The following TEX15 variants were observed in gnomAD, a reference collection of about 807,000 sequenced individuals.
TEX15 encodes the protein testis expressed 15, meiosis and synapsis associated.
Under a neutral mutation model 237.3 loss-of-function variants are expected in TEX15, and 171 were observed. The observed-to-expected ratio is 0.72, with a 90% CI of 0.64 to 0.82. The LOEUF (loss-of-function observed/expected upper bound fraction) is 0.82. TEX15 is among the 40% of genes least tolerant of loss of function. The pLI is 0.00. For missense variants in TEX15, 3,750 were observed against 3,646.5 expected (o/e 1.03, Z -0.73); for synonymous variants, 1,338 against 1,269.8 (o/e 1.05, Z -1.14).
At chr8:30,858,550 C>T (rs896793946) in intron 7 of TEX15, 118 bp downstream of exon 7, 15 of 858,082 alleles carry the variant, frequency 1.7e-5, no homozygotes, top group African/African-American at 7.1e-5. Context: ...CGCCCACTTC[C>T]GCCTCCCAAA....
chr8:30,890,916 A>T (rs1005049619), intron 2 of TEX15, among the ~76,000 whole-genome samples: 4 of 152,116 alleles, frequency 2.6e-5, no homozygotes, highest in African/African-American at 7.2e-5. Flanking sequence ...TTTTCCCACA[A>T]AGATAGTATT....
At chr8:30,893,520 G>A (rs1014181717) in intron 2 of TEX15, among the ~76,000 whole-genome samples, 4 of 152,074 alleles carry the variant, frequency 2.6e-5, no homozygotes, top group African/African-American at 4.8e-5. Context: ...GATAATGACA[G>A]GTATCTTGAT....
At chr8:30,840,780 A>G (rs956404900) in intron 8 of TEX15, among the ~76,000 whole-genome samples, 4 of 152,218 alleles carry the variant, frequency 2.6e-5, no homozygotes, top group Admixed American at 6.5e-5. Flanking sequence ...ATATGACAGT[A>G]CACTTCAATG....
rs1005446236 is a variant in TEX15, at chr8:30,831,594, T to A, written c.*1692A>T. On this transcript the variant is annotated 3_prime_UTR_variant, in exon 11 of 11. Coordinates refer to ENST00000643185, the MANE Select transcript of TEX15 (RefSeq NM_001350162.2). ...AATATTCTGTCACGTACAGATTTTTTAAAAATGTAACTGAATATTTAGGTA... is the reference window on the plus strand; with the variant it reads ...AATATTCTGTCACGTACAGATTTTTAAAAAATGTAACTGAATATTTAGGTA... 2.0e-5 allele frequency: 3 copies of A among 152,208 alleles called. No homozygotes were observed. The highest frequency in any genetic ancestry group is 7.2e-5 in the African/African-American group (3 of 41,460). 9.4% of individuals were successfully genotyped at this position (152,208 alleles called of 1,614,324 possible). A position where few individuals can be genotyped will look rare whatever the true frequency, so the allele number is the denominator to read the frequency against.
chr8:30,891,800 A>T (rs192158245), intron 2 of TEX15, among the ~76,000 whole-genome samples: 1 of 152,122 alleles, frequency 6.6e-6, no homozygotes, highest in East Asian at 1.9e-4. Context: ...TGTACTAAGT[A>T]TATTTATTGG....
intron 3 of TEX15, among the ~76,000 whole-genome samples, chr8:30,878,307 T>C (rs1808443261): frequency 6.6e-6 from 1 of 152,134 alleles, no homozygotes; most frequent in African/African-American, 2.4e-5. Context: ...GGTTTTTGTG[T>C]GAACATCATT....
Position 30,842,844 on chromosome 8 carries a change from A to G in TEX15, c.7323T>C (p.Ala2441=). The part of the protein sequence containing the change: ...SHEAIILKPE[A]IEMYIEIVMV... The stretch of plus-strand genomic sequence containing the variant: ...TGACGATTTCAATATACATTTCAAT[A>G]GCTTCAGGCTTTAAAATGATAGCCT... Residue 2441 remains alanine, a synonymous_variant, in exon 8 of 11, where the codon GCT becomes GCC. Coordinates refer to ENST00000643185, the MANE Select transcript of TEX15 (RefSeq NM_001350162.2). 1 of 1,612,658 alleles carries G rather than the reference A, an allele frequency of 6.2e-7. No individual in the cohort carries two copies. Among genetic ancestry groups the G allele is most frequent in the East Asian group, 2.2e-5 (1 of 44,812 alleles).
intron 7 of TEX15, among the ~76,000 whole-genome samples, chr8:30,850,851 TAAAC>T (rs1196624793): frequency 6.6e-6 from 1 of 152,086 alleles, no homozygotes; most frequent in East Asian, 1.9e-4. Flanking sequence ...AAATGCATGA[TAAAC>T]AATACTCAAA....
chr8:30,890,089 C>T (rs76509705), intron 2 of TEX15, among the ~76,000 whole-genome samples: 10 of 150,666 alleles, frequency 6.6e-5, no homozygotes, highest in East Asian at 1.9e-4. Flanking sequence ...ATAATGTACA[C>T]GGCAATACAT....
chr8:30,891,952 CCACT>C (rs1162475867), intron 2 of TEX15, among the ~76,000 whole-genome samples: 1 of 152,088 alleles, frequency 6.6e-6, no homozygotes, highest in African/African-American at 2.4e-5. Context: ...GTAATTCCCC[CCACT>C]TTTAAAAATT....
At chr8:30,873,335 C>T (rs1052695927) in intron 4 of TEX15, among the ~76,000 whole-genome samples, 1 of 152,150 alleles carries the variant, frequency 6.6e-6, no homozygotes, top group African/African-American at 2.4e-5. Context: ...AACTGTGAAA[C>T]TAGGCCACAA....
At chr8:30,859,837 T>A in intron 6 of TEX15, 74 bp downstream of exon 6, 1 of 1,115,526 alleles carries the variant, frequency 9.0e-7, no homozygotes, top group Non-Finnish European at 1.2e-6. Flanking sequence ...ATTTAACATT[T>A]TGGGAATTTA....
intron 7 of TEX15, 65 bp from the exon 8 acceptor site, chr8:30,849,381 G>A (rs1191845595): frequency 2.4e-6 from 2 of 848,508 alleles, no homozygotes; most frequent in Non-Finnish European, 3.5e-6. Flanking sequence ...ATTAATACAG[G>A]TACATTGTGT....
chr8:30,837,250 C>T lies in TEX15; in HGVS notation c.9034G>A (p.Ala3012Thr), dbSNP rs1384162738. Residue 3012 changes from alanine (A) to threonine (T), a missense_variant, in exon 10 of 11, where the codon GCT becomes ACT. Ala to Thr is a moderately conservative substitution (Grantham distance 58). Coordinates refer to ENST00000643185, the MANE Select transcript of TEX15 (RefSeq NM_001350162.2). ...GGAAGTTCATTCCAATATGTGGCAG[C>T]ATTCTGCATTAGGACTTTTGAATTT... ...DKNSKVLMQN[A>T]ATYWNELPQS... 1.9e-6 allele frequency: 3 copies of T among 1,614,034 alleles called. No individual in the cohort carries two copies. The highest frequency in any genetic ancestry group is 2.5e-6 in the Non-Finnish European group (3 of 1,180,000).
chr8:30,853,970 C>T (rs1807843927), intron 7 of TEX15, among the ~76,000 whole-genome samples: 1 of 151,692 alleles, frequency 6.6e-6, no homozygotes, highest in Non-Finnish European at 1.5e-5. Flanking sequence ...AAAATTACAA[C>T]ATTACATATG....
intron 2 of TEX15, among the ~76,000 whole-genome samples, chr8:30,893,358 T>C (rs531969236): frequency 7.2e-5 from 11 of 152,326 alleles, no homozygotes; most frequent in African/African-American, 2.6e-4. Context: ...CCAGCAACCT[T>C]GTTAAGCTCT....
At position 30,845,796 on chromosome 8, in the gene TEX15, C is replaced by T. The variant is rs774450399; in HGVS notation, c.4371G>A (p.Lys1457=). The T allele has an allele frequency of 6.2e-7, 1 of 1,610,140 alleles. No homozygotes were observed. Residue 1457 remains lysine (K), a synonymous_variant, in exon 8 of 11, where the codon AAG becomes AAA. Transcript: ENST00000643185. ...SSKRKYDKRR[K]KRAPKADISK... ...AAATATCAGCTTTTGGAGCTCTTTT[C>T]TTTCTCCGTTTGTCATATTTTCTTT... is the stretch of plus-strand genomic sequence containing the variant.
rs572278478 is a variant in TEX15 at position 30,833,848 on chromosome 8, CT to C, written c.9482-526del. On this transcript the variant is annotated intron_variant, in intron 10 of 10. Coordinates refer to ENST00000643185, the MANE Select transcript of TEX15 (RefSeq NM_001350162.2). ...ATTAAGTAAATGATTATTTCTTTTT[CT>C]TTTATTTTAATTGGACTAATATAAC... Among the ~76,000 whole-genome samples, 95 of 151,910 alleles carry C rather than the reference CT, an allele frequency of 6.3e-4. 2 individuals are homozygous for C. The South Asian group carries it at 6.9e-3, about 11-fold the overall frequency.
At position 30,859,936 on chromosome 8, in the gene TEX15, A is replaced by C. The variant is rs16877429; in HGVS notation, c.662T>G (p.Ile221Ser). 5 of 1,505,246 alleles carry C rather than the reference A, an allele frequency of 3.3e-6. No individual in the cohort carries two copies. The East Asian group carries it at 7.5e-5, about 22-fold the overall frequency. 93.2% of individuals were successfully genotyped at this position (1,505,246 alleles called of 1,614,324 possible). A position where few individuals can be genotyped will look rare whatever the true frequency, so the allele number is the denominator to read the frequency against. ...SRNAPSLKDT[I>S]ELQAYSSAVY... Reference sequence around the variant, plus strand: ...TGCTGAACTGTAGGCTTGCAGTTCAATGGTATCTTTCAAAGAAGGTGCATT... The same window carrying C: ...TGCTGAACTGTAGGCTTGCAGTTCACTGGTATCTTTCAAAGAAGGTGCATT... Residue 221 changes from isoleucine (I) to serine (S), a missense_variant, in exon 6 of 11, where the codon ATT becomes AGT. Physicochemically the swap from Ile to Ser is moderately radical, Grantham distance 142 (BLOSUM62 -2). Transcript: ENST00000643185.
Sources: allele counts gnomAD v4.1 joint callset (sites outside exome capture counted in the v4.1 genomes callset), GRCh38; gene constraint gnomAD v4.1.1; transcripts MANE v1.5; gene names NCBI Gene and HGNC (gene_info 2026-07-23, HGNC 2026-07-21).